LRMDA: variants seen among roughly 807,000 people sequenced by gnomAD.
LRMDA encodes the protein leucine rich melanocyte differentiation associated.
Under a neutral mutation model 29.8 loss-of-function variants are expected in LRMDA, and 18 were observed. The ratio of observed to expected loss-of-function variants is 0.60; its 90% CI spans 0.42 to 0.90. The LOEUF (loss-of-function observed/expected upper bound fraction) is 0.90, where lower values mean the gene tolerates loss of function less well. LRMDA is among the 40% of genes least tolerant of loss of function. The pLI is 0.00. For missense variants in LRMDA, 273 were observed against 273.9 expected (o/e 1.00, Z 0.02); for synonymous variants, 125 against 109.4 (o/e 1.14, Z -0.89).
intron 6 of LRMDA, among the ~76,000 whole-genome samples, chr10:76,358,664 A>T (rs1308057742): frequency 6.6e-6 from 1 of 152,214 alleles, no homozygotes; most frequent in Non-Finnish European, 1.5e-5. Flanking sequence ...TCCCATTAAA[A>T]TGCTGGTGAA....
At chr10:75,718,703 T>C (rs1842530974) in intron 2 of LRMDA, among the ~76,000 whole-genome samples, 1 of 152,244 alleles carries the variant, frequency 6.6e-6, no homozygotes, top group African/African-American at 2.4e-5. Context: ...TGTTAGGTGA[T>C]TTAATAAGGT....
chr10:76,441,754 C>T (rs906162903), intron 6 of LRMDA, among the ~76,000 whole-genome samples: 1 of 152,158 alleles, frequency 6.6e-6, no homozygotes. Context: ...AGACTCATTA[C>T]ACTTGGCATA....
chr10:76,440,659 A>G (rs1821531560), intron 6 of LRMDA, among the ~76,000 whole-genome samples: 1 of 152,142 alleles, frequency 6.6e-6, no homozygotes, highest in Non-Finnish European at 1.5e-5. Context: ...CATGACTGGA[A>G]ATAGGCCAGG....
chr10:76,073,740 T>C (rs1199902663), intron 5 of LRMDA, among the ~76,000 whole-genome samples: 2 of 152,192 alleles, frequency 1.3e-5, no homozygotes, highest in Non-Finnish European at 2.9e-5. Flanking sequence ...CTACCCAGGC[T>C]AGAGGGAATG....
At chr10:75,975,288 G>A (rs527879245) in intron 2 of LRMDA, among the ~76,000 whole-genome samples, 1 of 152,180 alleles carries the variant, frequency 6.6e-6, no homozygotes, top group African/African-American at 2.4e-5. Context: ...TACACTGATG[G>A]TTGTTTCCCA....
intron 2 of LRMDA, among the ~76,000 whole-genome samples, chr10:76,029,107 G>A (rs1456198627): frequency 6.6e-6 from 1 of 152,108 alleles, no homozygotes; most frequent in Non-Finnish European, 1.5e-5. Flanking sequence ...GAGCCATCAT[G>A]CCTGGCCAAC....
chr10:76,339,738 A>T (rs1177067805), intron 6 of LRMDA, among the ~76,000 whole-genome samples: 2 of 152,050 alleles, frequency 1.3e-5, no homozygotes, highest in African/African-American at 4.8e-5. Context: ...ATATTGATAA[A>T]TCTGAAAATC....
At chr10:76,235,849 G>A (rs1210021985) in intron 5 of LRMDA, among the ~76,000 whole-genome samples, 4 of 152,218 alleles carry the variant, frequency 2.6e-5, no homozygotes, top group Non-Finnish European at 4.4e-5. Context: ...TTCTGATCCA[G>A]ATAGTTTACT....
chr10:75,976,873 T>A (rs961654923), intron 2 of LRMDA, among the ~76,000 whole-genome samples: 1 of 152,214 alleles, frequency 6.6e-6, no homozygotes, highest in Non-Finnish European at 1.5e-5. Flanking sequence ...TAGTAGATAC[T>A]GAATAAACCC....
chr10:75,883,794 GA>G (rs1017827384), intron 2 of LRMDA, among the ~76,000 whole-genome samples: 1 of 151,522 alleles, frequency 6.6e-6, no homozygotes, highest in Non-Finnish European at 1.5e-5. Context: ...CCAGAAGTAA[GA>G]GACAATAGAT....
At chr10:76,178,519 A>C (rs1291575290) in intron 5 of LRMDA, among the ~76,000 whole-genome samples, 2 of 152,142 alleles carry the variant, frequency 1.3e-5, no homozygotes, top group Non-Finnish European at 2.9e-5. Flanking sequence ...AGGAAAGGAG[A>C]GCAGTCTGCA....
At chr10:75,539,004 G>A (rs1448298888) in intron 2 of LRMDA, among the ~76,000 whole-genome samples, 1 of 152,168 alleles carries the variant, frequency 6.6e-6, no homozygotes, top group African/African-American at 2.4e-5. Context: ...GCAATTGAGT[G>A]AAAGCTTTTT....
chr10:76,128,785 C>G (rs1304793135), intron 5 of LRMDA, among the ~76,000 whole-genome samples: 1 of 152,172 alleles, frequency 6.6e-6, no homozygotes, highest in African/African-American at 2.4e-5. Flanking sequence ...TCCCCACTGT[C>G]TAGCCCAGAG....
At chr10:75,855,457 G>A (rs1844809261) in intron 2 of LRMDA, among the ~76,000 whole-genome samples, 1 of 152,108 alleles carries the variant, frequency 6.6e-6, no homozygotes, top group Non-Finnish European at 1.5e-5. Flanking sequence ...GTAGATCCTG[G>A]GTATTAGCCC....
intron 5 of LRMDA, chr10:76,318,795 C>G (rs1261258123): frequency 6.6e-6 from 1 of 152,254 alleles, no homozygotes; most frequent in Non-Finnish European, 1.5e-5. Flanking sequence ...CTTCAGCCTT[C>G]TACCTGGTTC....
chr10:75,814,532 C>G (rs973216567), intron 2 of LRMDA, among the ~76,000 whole-genome samples: 4 of 152,126 alleles, frequency 2.6e-5, no homozygotes, highest in African/African-American at 9.7e-5. Flanking sequence ...ACACCTTTTT[C>G]CCACTCAGCC....
intron 2 of LRMDA, among the ~76,000 whole-genome samples, chr10:75,622,829 A>G (rs1841205057): frequency 6.6e-6 from 1 of 152,222 alleles, no homozygotes; most frequent in East Asian, 1.9e-4. Flanking sequence ...AGTGAATAAT[A>G]TTGATTTAGT....
intron 6 of LRMDA, among the ~76,000 whole-genome samples, chr10:76,419,987 T>C (rs1298950102): frequency 6.6e-6 from 1 of 152,106 alleles, no homozygotes; most frequent in Non-Finnish European, 1.5e-5. Flanking sequence ...GGATTTTGAA[T>C]CTGTGTTTAT....
intron 5 of LRMDA, among the ~76,000 whole-genome samples, chr10:76,228,939 C>G (rs1564693173): frequency 6.6e-6 from 1 of 152,136 alleles, no homozygotes; most frequent in Non-Finnish European, 1.5e-5. Flanking sequence ...CCTAATAACT[C>G]AGGAATAACT....
Sources: gnomAD v4.1 joint callset for allele counts (sites outside exome capture counted in the v4.1 genomes callset) on GRCh38, gnomAD v4.1.1 for gene constraint, MANE v1.5 for transcripts, NCBI Gene and HGNC (gene_info 2026-07-23, HGNC 2026-07-21) for gene names.